BBS9: variants seen among roughly 807,000 people sequenced by gnomAD.
BBS9 encodes the protein Bardet-Biedl syndrome 9.
BBS9 carries 89 observed loss-of-function variants against 117.7 expected under a neutral mutation model. That is an observed-to-expected ratio of 0.76 (90% confidence interval 0.64 to 0.90). The LOEUF is 0.90. BBS9 is among the 40% of genes least tolerant of loss of function. The pLI, the probability that BBS9 is intolerant of heterozygous loss-of-function variation, is 0.00. For synonymous variants in BBS9, 379 were observed against 370.9 expected, an observed-to-expected ratio of 1.02 and a Z score of -0.25; for missense variants, 982 against 1,042.2, an observed-to-expected ratio of 0.94 and a Z score of 0.80.
intron 20 of BBS9, among the ~76,000 whole-genome samples, chr7:33,515,357 C>G (rs920557707): frequency 6.7e-6 from 1 of 148,216 alleles, no homozygotes; most frequent in African/African-American, 2.7e-5. Context: ...TAAACTACAG[C>G]TCATCGCTGT....
intron 21 of BBS9, among the ~76,000 whole-genome samples, chr7:33,596,577 A>G (rs1002681521): frequency 2.0e-5 from 3 of 151,832 alleles, no homozygotes; most frequent in African/African-American, 4.8e-5. Flanking sequence ...AACTTTTTGC[A>G]TTTTGTCTCC....
At chr7:33,559,928 A>T (rs915645067) in intron 21 of BBS9, among the ~76,000 whole-genome samples, 1 of 152,118 alleles carries the variant, frequency 6.6e-6, no homozygotes, top group Non-Finnish European at 1.5e-5. Flanking sequence ...TCCTCTGCCC[A>T]GGATTCCCAT....
rs142858171 is a variant in BBS9, at chr7:33,435,260, T to C, written c.2115+47116T>C. Among the ~76,000 whole-genome samples, 204 of 152,268 alleles carry C rather than the reference T, an allele frequency of 1.3e-3. 5 individuals carry two copies. In the East Asian group the frequency reaches 0.036, roughly 27 times the overall value. ...GGGATTATCAGAATACTTGGAGTCA[T>C]CAAAAATTCTATGTATAAAATTTAC... On this transcript the variant is annotated intron_variant, in intron 19 of 22. Transcript: ENST00000242067.
At chr7:33,141,069 T>C (rs555793322) in intron 1 of BBS9, among the ~76,000 whole-genome samples, 114 of 152,172 alleles carry the variant, frequency 7.5e-4, no homozygotes, top group Non-Finnish European at 8.2e-4. Flanking sequence ...AACCATCAAA[T>C]TTGTTTTTTT....
chr7:33,230,506 A>C (rs561202040), intron 5 of BBS9, among the ~76,000 whole-genome samples: 4 of 152,312 alleles, frequency 2.6e-5, no homozygotes, highest in South Asian at 4.1e-4. Context: ...TTAGGATTTT[A>C]GTGTACCCTT....
intron 20 of BBS9, among the ~76,000 whole-genome samples, chr7:33,513,134 C>T (rs1236434043): frequency 6.6e-6 from 1 of 152,158 alleles, no homozygotes; most frequent in Non-Finnish European, 1.5e-5. Context: ...TCCCCGGCTA[C>T]CCCCTTCATT....
intron 4 of BBS9, among the ~76,000 whole-genome samples, chr7:33,169,460 T>G (rs1198057965): frequency 6.6e-6 from 1 of 151,428 alleles, no homozygotes; most frequent in Non-Finnish European, 1.5e-5. Context: ...CTCCACATCC[T>G]CTCCAGCACC....
chr7:33,480,951 C>T (rs572731086), intron 19 of BBS9, among the ~76,000 whole-genome samples: 1 of 152,218 alleles, frequency 6.6e-6, no homozygotes, highest in South Asian at 2.1e-4. Context: ...TAAGAAATGC[C>T]TTGCTTCCCC....
chr7:33,292,497 G>A (rs1434188671), intron 9 of BBS9, among the ~76,000 whole-genome samples: 1 of 152,074 alleles, frequency 6.6e-6, no homozygotes, highest in Non-Finnish European at 1.5e-5. Context: ...AAAGTGCTGG[G>A]ATTACAGGCA....
At chr7:33,360,187 C>T (rs957309888) in intron 16 of BBS9, among the ~76,000 whole-genome samples, 3 of 152,008 alleles carry the variant, frequency 2.0e-5, no homozygotes, top group Admixed American at 2.0e-4. Context: ...GTAAATATAC[C>T]TGTGATGAAC....
intron 5 of BBS9, among the ~76,000 whole-genome samples, chr7:33,251,520 GA>G (rs1162474929): frequency 6.6e-6 from 1 of 152,152 alleles, no homozygotes; most frequent in African/African-American, 2.4e-5. Flanking sequence ...AGATGAGGGG[GA>G]GAAAAGTTAA....
chr7:33,594,389 C>T (rs1352427277), intron 21 of BBS9, among the ~76,000 whole-genome samples: 1 of 152,052 alleles, frequency 6.6e-6, no homozygotes, highest in Non-Finnish European at 1.5e-5. Flanking sequence ...TCACCTGCCC[C>T]TCTGCAGCTG....
intron 4 of BBS9, among the ~76,000 whole-genome samples, chr7:33,164,548 C>T (rs890777982): frequency 7.2e-5 from 11 of 152,144 alleles, no homozygotes; most frequent in Non-Finnish European, 1.3e-4. Context: ...GGACAGTTAG[C>T]TCTTCTTGTT....
intron 9 of BBS9, among the ~76,000 whole-genome samples, chr7:33,329,166 G>A (rs981171825): frequency 1.3e-5 from 2 of 152,064 alleles, no homozygotes; most frequent in Middle Eastern, 3.2e-3. Flanking sequence ...GATTACAGGT[G>A]CACATCACCA....
intron 5 of BBS9, among the ~76,000 whole-genome samples, chr7:33,194,735 G>A (rs193225579): frequency 9.9e-5 from 15 of 152,148 alleles, no homozygotes; most frequent in Middle Eastern, 3.4e-3. Flanking sequence ...TTCTTTTCTT[G>A]TACACTTTAT....
intron 20 of BBS9, among the ~76,000 whole-genome samples, chr7:33,528,453 A>G (rs1350041365): frequency 6.6e-6 from 1 of 152,064 alleles, no homozygotes; most frequent in African/African-American, 2.4e-5. Context: ...GTAGTTAAGG[A>G]TGTGGTAGTG....
At position 33,603,205 on chromosome 7, in the gene BBS9, C is replaced by T. The variant is rs141957208; in HGVS notation, c.2522-1660C>T. On this transcript the variant is annotated intron_variant, in intron 21 of 22. Coordinates refer to ENST00000242067, the MANE Select transcript of BBS9 (RefSeq NM_198428.3). ...TGCCTGAGTACAGCATTCCTGGCCT[C>T]CCCCACCTCCCTCTGTCTCAGGGAT... Among the ~76,000 whole-genome samples, 341 of 152,194 alleles carry T rather than the reference C, an allele frequency of 2.2e-3. 2 individuals are homozygous for T. The highest frequency in any genetic ancestry group is 7.8e-3 in the African/African-American group (325 of 41,540).
At chr7:33,187,871 G>A (rs553887351) in intron 5 of BBS9, among the ~76,000 whole-genome samples, 85 of 151,954 alleles carry the variant, frequency 5.6e-4, no homozygotes, top group Non-Finnish European at 1.1e-3. Context: ...GCAGTGAGCC[G>A]AGATTGCATC....
Position 33,443,360 on chromosome 7 carries a change from G to A in BBS9, c.2115+55216G>A, listed in dbSNP as rs535198852. 4.6e-5 allele frequency among the ~76,000 whole-genome samples: 7 copies of A among 152,166 alleles called. No homozygotes were observed. The South Asian group carries it at 1.5e-3, about 32-fold the overall frequency. On this transcript the variant is annotated intron_variant, in intron 19 of 22. Coordinates refer to ENST00000242067, the MANE Select transcript of BBS9 (RefSeq NM_198428.3). ...CATATTCTGAGACGTAGCTAGTGGAGGACTAATTTTGTCACTGGGATTCTC... is the reference window on the plus strand; with the variant it reads ...CATATTCTGAGACGTAGCTAGTGGAAGACTAATTTTGTCACTGGGATTCTC...
Sources: gnomAD v4.1 joint callset for allele counts (sites outside exome capture counted in the v4.1 genomes callset) on GRCh38, gnomAD v4.1.1 for gene constraint, MANE v1.5 for transcripts, NCBI Gene and HGNC (gene_info 2026-07-23, HGNC 2026-07-21) for gene names.